The following UBAP2 variants were observed in gnomAD, a reference collection of about 807,000 sequenced individuals.
UBAP2 encodes ubiquitin associated protein 2.
UBAP2 carries 75 observed loss-of-function variants against 139.6 expected under a neutral mutation model. That is an observed-to-expected ratio of 0.54 (90% confidence interval 0.45 to 0.65). UBAP2 has a LOEUF of 0.65. UBAP2 is among the 30% of genes least tolerant of loss of function. The probability of loss-of-function intolerance (pLI) is 0.00; values close to 1 mark genes in which losing one functional copy is unlikely to be tolerated. For missense variants in UBAP2, 1,368 were observed against 1,369.6 expected, an observed-to-expected ratio of 1.00 and a Z score of 0.02; for synonymous variants, 526 against 526.2, an observed-to-expected ratio of 1.00 and a Z score of 0.01.
chr9:34,029,526 CA>C (rs147026685), intron 1 of UBAP2, among the ~76,000 whole-genome samples: 73 of 131,450 alleles, frequency 5.6e-4, no homozygotes, highest in African/African-American at 8.7e-4. Flanking sequence ...CAAAACTTCT[CA>C]AAAAAAAAAA....
rs189596303 is a variant in UBAP2, at chr9:34,007,397, G to C, written c.100-8533C>G. ...ATTAGTCCCAGCTACCCGAGAGGCT[G>C]AGGCAGAAGGATCTCTTGAGCCTAG... On this transcript the variant is annotated intron_variant, in intron 2 of 28. Transcript: ENST00000379238. Among the ~76,000 whole-genome samples, 117 of 151,848 alleles carry C rather than the reference G, an allele frequency of 7.7e-4. 2 individuals are homozygous for C. The highest frequency in any genetic ancestry group is 5.6e-3 in the Admixed American group (86 of 15,236).
At chr9:33,992,289 G>A (rs1821775078) in intron 4 of UBAP2, among the ~76,000 whole-genome samples, 1 of 151,704 alleles carries the variant, frequency 6.6e-6, no homozygotes. Context: ...TCGGGAGGCT[G>A]AGGCGGAAGA....
Position 33,969,594 on chromosome 9 carries a change from C to T in UBAP2, c.679+2057G>A, listed in dbSNP as rs1053754697. 2.7e-5 allele frequency among the ~76,000 whole-genome samples: 4 copies of T among 150,888 alleles called. No individual in the cohort carries two copies. The South Asian group carries it at 6.3e-4, about 24-fold the overall frequency. The stretch of plus-strand genomic sequence containing the variant: ...GAAAGAAAGAAAAGAAGGTGGGGCA[C>T]GGTGGCTTACGCCTATAATCCCATC... On this transcript the variant is annotated intron_variant, in intron 8 of 28. Coordinates refer to ENST00000379238, the MANE Select transcript of UBAP2 (RefSeq NM_001370062.2).
chr9:33,959,510 CAA>C (rs1826852130), intron 10 of UBAP2, among the ~76,000 whole-genome samples: 1 of 152,130 alleles, frequency 6.6e-6, no homozygotes, highest in Admixed American at 6.5e-5. Context: ...ATACCAAACT[CAA>C]GAGTTCTAGA....
At chr9:33,944,702 T>C (rs974613855) in intron 13 of UBAP2, 63 bp from the exon 14 acceptor site, 3 of 1,526,142 alleles carry the variant, frequency 2.0e-6, no homozygotes, top group African/African-American at 2.7e-5. Flanking sequence ...CAATAGAACA[T>C]GAAGTGTTCT....
chr9:33,941,653 A>G lies in UBAP2; in HGVS notation c.1925T>C (p.Ile642Thr), dbSNP rs372636472. The G allele has an allele frequency of 3.7e-6, 6 of 1,613,866 alleles. No homozygotes were observed. The African/African-American group carries it at 4.0e-5, about 11-fold the overall frequency. ...AAAAACTAAAATACCACTTACCATGATGGTTCCTGGAGCTGACTCTGATGA... is the reference window on the plus strand; with the variant it reads ...AAAAACTAAAATACCACTTACCATGGTGGTTCCTGGAGCTGACTCTGATGA... ...VSSSESAPGT[I>T]MNGHGGGRSQ... Residue 642 changes from isoleucine to threonine, a missense_variant, in exon 16 of 29, where the codon ATC (isoleucine) becomes ACC (threonine). By Grantham distance (89) the Ile-to-Thr change is moderately conservative. Coordinates refer to ENST00000379238, the MANE Select transcript of UBAP2 (RefSeq NM_001370062.2).
intron 20 of UBAP2, 52 bp from the exon 21 acceptor site, chr9:33,927,132 G>A (rs759425015): frequency 2.1e-6 from 3 of 1,427,970 alleles, no homozygotes; most frequent in African/African-American, 1.4e-5. Flanking sequence ...CAAAGAGTGA[G>A]AGTCCTCAGC....
intron 4 of UBAP2, among the ~76,000 whole-genome samples, chr9:33,992,667 G>A (rs1031251010): frequency 3.0e-5 from 4 of 132,428 alleles, no homozygotes; most frequent in Non-Finnish European, 4.9e-5. Context: ...GAGGGGGGGG[G>A]GCACAAATAG....
At chr9:34,020,474 G>A (rs888184838) in intron 1 of UBAP2, among the ~76,000 whole-genome samples, 4 of 151,852 alleles carry the variant, frequency 2.6e-5, no homozygotes, top group Non-Finnish European at 2.9e-5. Context: ...AGAGGCACGC[G>A]CCACCATGCC....
intron 4 of UBAP2, 140 bp downstream of exon 4, chr9:33,996,083 T>C: frequency 1.7e-6 from 1 of 605,760 alleles, no homozygotes; most frequent in Non-Finnish European, 2.9e-6. Context: ...TTTCAGGTAA[T>C]CGTTCTTTCT....
intron 4 of UBAP2, among the ~76,000 whole-genome samples, chr9:33,989,565 C>A (rs967670906): frequency 1.1e-4 from 17 of 152,222 alleles, no homozygotes; most frequent in African/African-American, 3.6e-4. Context: ...CATTTAAATT[C>A]TTTCCCTATA....
chr9:34,027,192 A>T (rs1172762438), intron 1 of UBAP2, among the ~76,000 whole-genome samples: 1 of 152,106 alleles, frequency 6.6e-6, no homozygotes, highest in Non-Finnish European at 1.5e-5. Flanking sequence ...TAAGAATCTG[A>T]GGCCAAGGCC....
chr9:33,971,837 A>G, intron 7 of UBAP2, 83 bp from the exon 8 acceptor site: 1 of 805,776 alleles, frequency 1.2e-6, no homozygotes, highest in South Asian at 1.4e-5. Flanking sequence ...ATCTTCCACC[A>G]AACAAGCCCA....
At chr9:33,957,056 T>G (rs1423891514) in intron 10 of UBAP2, among the ~76,000 whole-genome samples, 1 of 149,926 alleles carries the variant, frequency 6.7e-6, no homozygotes, top group East Asian at 2.0e-4. Context: ...ACCACTGCAC[T>G]CCAGCCTAGG....
Position 34,038,275 on chromosome 9 carries a change from T to C in UBAP2, c.-42+10550A>G, listed in dbSNP as rs553149519. ...ACCAGCCTGGCCAACACAGTGAAAC[T>C]CTGTCTCTATTAAAAATACAAGCCT... is the stretch of plus-strand genomic sequence containing the variant. On this transcript the variant is annotated intron_variant, in intron 1 of 28. Transcript: ENST00000379238. 5.7e-4 allele frequency among the ~76,000 whole-genome samples: 87 copies of C among 151,442 alleles called. 2 individuals are homozygous for C. The South Asian group carries it at 0.017, about 30-fold the overall frequency.
chr9:34,032,050 C>T (rs769794904), intron 1 of UBAP2, among the ~76,000 whole-genome samples: 3 of 151,816 alleles, frequency 2.0e-5, no homozygotes, highest in South Asian at 2.1e-4. Context: ...GAGGCTGAGG[C>T]GGGAGGATTG....
intron 19 of UBAP2, among the ~76,000 whole-genome samples, chr9:33,930,679 C>G (rs552554081): frequency 6.6e-6 from 1 of 152,020 alleles, no homozygotes; most frequent in South Asian, 2.1e-4. Context: ...GGGTGGATTA[C>G]GAGGTCAGGA....
intron 22 of UBAP2, among the ~76,000 whole-genome samples, chr9:33,925,359 G>A (rs1486255097): frequency 6.6e-6 from 1 of 152,204 alleles, no homozygotes; most frequent in African/African-American, 2.4e-5. Context: ...CACTTTCACA[G>A]AACACGAGAA....
At position 33,963,662 on chromosome 9, in the gene UBAP2, A is replaced by G. The variant is rs1057304325; in HGVS notation, c.745+64T>C. ...TATTAGCTAGCTTTGATAAAAAATG[A>G]AAGATATTGCAAGCAATTTATAAGA... On this transcript the variant is annotated intron_variant, in intron 9 of 28. Coordinates refer to ENST00000379238, the MANE Select transcript of UBAP2 (RefSeq NM_001370062.2). The G allele has an allele frequency of 2.8e-5, 27 of 970,238 alleles. No individual in the cohort carries two copies. The South Asian group carries it at 4.1e-4, about 15-fold the overall frequency. 60.1% of individuals were successfully genotyped at this position (970,238 alleles called of 1,614,324 possible). A position where few individuals can be genotyped will look rare whatever the true frequency, so the allele number is the denominator to read the frequency against.
Sources: gnomAD v4.1 joint callset for allele counts (sites outside exome capture counted in the v4.1 genomes callset) on GRCh38, gnomAD v4.1.1 for gene constraint, MANE v1.5 for transcripts, NCBI Gene and HGNC (gene_info 2026-07-23, HGNC 2026-07-21) for gene names.